Variants in MAF observed in about 807,000 individuals in gnomAD.
MAF encodes MAF bZIP transcription factor.
In MAF, 10 loss-of-function variants were observed where a neutral mutation model predicts 22.0. The ratio of observed to expected loss-of-function variants is 0.45; its 90% CI spans 0.28 to 0.77. MAF has a LOEUF of 0.77. Among genes scored for constraint, MAF ranks in the 30% least tolerant of loss-of-function variants. The pLI, the probability that MAF is intolerant of heterozygous loss-of-function variation, is 0.12. For synonymous variants in MAF, 337 were observed against 255.8 expected, an observed-to-expected ratio of 1.32 and a Z score of -3.03; for missense variants, 544 against 548.4, an observed-to-expected ratio of 0.99 and a Z score of 0.08.
chr16:79,356,085 C>G, the MAF span, among the ~76,000 whole-genome samples: 3 of 152,000 alleles, frequency 2.0e-5, no homozygotes, highest in Non-Finnish European at 4.4e-5. Context: ...GCACTCTCAC[C>G]TACACACCCA....
chr16:79,591,956 A>C (rs1036933367), downstream of MAF, among the ~76,000 whole-genome samples: 1 of 133,814 alleles, frequency 7.5e-6, no homozygotes, highest in Non-Finnish European at 1.8e-5. Context: ...AAAAGGAAAC[A>C]TGTGAACATA....
chr16:79,224,367 A>G, the MAF span, among the ~76,000 whole-genome samples: 56 of 152,316 alleles, frequency 3.7e-4, 1 homozygote, highest in East Asian at 0.01. Flanking sequence ...TCTCAAAATA[A>G]TAAGAGCTAT....
At chr16:79,331,977 T>C in the MAF span, among the ~76,000 whole-genome samples, 1 of 152,218 alleles carries the variant, frequency 6.6e-6, no homozygotes, top group Non-Finnish European at 1.5e-5. Flanking sequence ...TGTTTGACTT[T>C]CCATAGACGT....
chr16:79,283,241 T>G, the MAF span, among the ~76,000 whole-genome samples: 9 of 152,204 alleles, frequency 5.9e-5, 1 homozygote. Flanking sequence ...TAATAATTTT[T>G]AAACTCAATG....
chr16:79,453,499 C>A, the MAF span, among the ~76,000 whole-genome samples: 4,575 of 152,304 alleles, frequency 0.03, 63 homozygotes, highest in Middle Eastern at 0.044. Context: ...TTCATTCCAT[C>A]TTCATTAAGT....
the MAF span, among the ~76,000 whole-genome samples, chr16:79,502,804 T>C: frequency 1.4e-5 from 2 of 140,406 alleles, no homozygotes; most frequent in African/African-American, 5.4e-5. Context: ...TGGTAGGGGA[T>C]TAATTATAAA....
the MAF span, among the ~76,000 whole-genome samples, chr16:79,435,276 C>G: frequency 6.4e-3 from 978 of 152,082 alleles, 7 homozygotes; most frequent in Non-Finnish European, 9.3e-3. Context: ...ATATTCACAA[C>G]CAGGTGTTGG....
chr16:79,276,245 G>A, the MAF span, among the ~76,000 whole-genome samples: 2 of 152,176 alleles, frequency 1.3e-5, no homozygotes, highest in African/African-American at 2.4e-5. Flanking sequence ...TGAACAGTGT[G>A]CATTTTGAGG....
At chr16:79,245,531 G>A in the MAF span, among the ~76,000 whole-genome samples, 2 of 152,000 alleles carry the variant, frequency 1.3e-5, no homozygotes, top group Non-Finnish European at 2.9e-5. Flanking sequence ...CAGTTAGAAT[G>A]GCGATCATTA....
the MAF span, among the ~76,000 whole-genome samples, chr16:79,538,415 A>C: frequency 6.6e-5 from 10 of 152,348 alleles, no homozygotes; most frequent in South Asian, 2.1e-4. Context: ...TTCTAAATGC[A>C]CTGAATATTT....
chr16:79,207,750 G>A, the MAF span, among the ~76,000 whole-genome samples: 7 of 151,728 alleles, frequency 4.6e-5, no homozygotes, highest in African/African-American at 1.5e-4. Flanking sequence ...TTATATTAGA[G>A]TACTAACCAA....
At chr16:79,544,601 C>T in the MAF span, among the ~76,000 whole-genome samples, 30 of 151,912 alleles carry the variant, frequency 2.0e-4, no homozygotes, top group East Asian at 3.9e-3. Context: ...GGTGAAACCC[C>T]GTCTCTACTA....
At chr16:79,550,666 C>A in the MAF span, among the ~76,000 whole-genome samples, 1 of 152,138 alleles carries the variant, frequency 6.6e-6, no homozygotes, top group South Asian at 2.1e-4. Flanking sequence ...CACTCACTGC[C>A]TTTGTCCATC....
At chr16:79,279,877 ATTC>A in the MAF span, among the ~76,000 whole-genome samples, 3 of 152,180 alleles carry the variant, frequency 2.0e-5, no homozygotes. Context: ...AGTCCAGCCT[ATTC>A]TTCATAAAAA....
chr16:79,443,947 T>C, the MAF span, among the ~76,000 whole-genome samples: 1 of 152,096 alleles, frequency 6.6e-6, no homozygotes, highest in Non-Finnish European at 1.5e-5. Flanking sequence ...TATGTCATAG[T>C]TTTGACTGAG....
the MAF span, among the ~76,000 whole-genome samples, chr16:79,488,184 T>C: frequency 6.6e-6 from 1 of 152,172 alleles, no homozygotes; most frequent in African/African-American, 2.4e-5. Flanking sequence ...GGGAGAGAGC[T>C]GGGTTCTGTC....
chr16:79,219,028 G>A, the MAF span, among the ~76,000 whole-genome samples: 1 of 152,158 alleles, frequency 6.6e-6, no homozygotes, highest in African/African-American at 2.4e-5. Context: ...TTATAAACAT[G>A]TGCCACACCA....
chr16:79,539,012 A>C, the MAF span, among the ~76,000 whole-genome samples: 1 of 152,256 alleles, frequency 6.6e-6, no homozygotes, highest in Non-Finnish European at 1.5e-5. Flanking sequence ...AACGGCCATA[A>C]ATAAAAATAC....
the MAF span, among the ~76,000 whole-genome samples, chr16:79,484,540 G>A: frequency 1.3e-5 from 2 of 152,196 alleles, no homozygotes; most frequent in African/African-American, 2.4e-5. Context: ...GCTATGGTGG[G>A]AGGGAAGGGC....
Sources: allele counts gnomAD v4.1 joint callset (sites outside exome capture counted in the v4.1 genomes callset), GRCh38; gene constraint gnomAD v4.1.1; transcripts MANE v1.5; gene names NCBI Gene and HGNC (gene_info 2026-07-23, HGNC 2026-07-21).